Variants in POC1A observed in about 807,000 individuals in gnomAD.
POC1A encodes POC1 centriolar protein homolog A.
In POC1A, 34 loss-of-function variants were observed where a neutral mutation model predicts 47.8. The ratio of observed to expected loss-of-function variants is 0.71; its 90% CI spans 0.54 to 0.95. The LOEUF is 0.95. POC1A is among the 40% of genes least tolerant of loss of function. The probability of loss-of-function intolerance (pLI) is 0.00; values close to 1 mark genes in which losing one functional copy is unlikely to be tolerated. For synonymous variants in POC1A, 177 were observed against 207.6 expected (o/e 0.85, Z 1.27); for missense variants, 466 against 528.3 (o/e 0.88, Z 1.16).
rs77342803 is a variant in POC1A at position 52,127,126 on chromosome 3, A to T, written c.814-1945T>A. On this transcript the variant is annotated intron_variant, in intron 7 of 10. Coordinates refer to ENST00000296484, the MANE Select transcript of POC1A (RefSeq NM_015426.5). ...GCAGCCCTGGGAATCCTAAGCCACCATTAACCAGGATAATATAGATCCACT... is the reference window on the plus strand; with the variant it reads ...GCAGCCCTGGGAATCCTAAGCCACCTTTAACCAGGATAATATAGATCCACT... 5.1e-3 allele frequency among the ~76,000 whole-genome samples: 776 copies of T among 152,322 alleles called. 6 individuals are homozygous for T. Among genetic ancestry groups the T allele is most frequent in the African/African-American group, 0.018 (733 of 41,568 alleles).
intron 7 of POC1A, among the ~76,000 whole-genome samples, chr3:52,133,091 G>A (rs1483217990): frequency 3.9e-5 from 6 of 152,124 alleles, no homozygotes; most frequent in Non-Finnish European, 2.9e-5. Flanking sequence ...AGGTAACAGT[G>A]TTGGGAGGTG....
chr3:52,096,044 C>T (rs1343253471), intron 10 of POC1A, among the ~76,000 whole-genome samples: 1 of 152,252 alleles, frequency 6.6e-6, no homozygotes, highest in East Asian at 1.9e-4. Context: ...AGATTCATCT[C>T]CCTTAATTCT....
In POC1A at chr3:52,139,684, C is replaced by G. The variant is rs368618212; in HGVS notation, c.680-1382G>C. Among the ~76,000 whole-genome samples the G allele has an allele frequency of 1.8e-4, 27 of 152,282 alleles. 1 individual carries two copies. In the South Asian group the frequency reaches 5.2e-3, roughly 29 times the overall value. On this transcript the variant is annotated intron_variant, in intron 6 of 10. Coordinates refer to ENST00000296484, the MANE Select transcript of POC1A (RefSeq NM_015426.5). Reference sequence around the variant, plus strand: ...CTCACATCTGGATCTCCCATGAGACCATGAACTCCATCAGGCAGGGGTGGT... The same window carrying G: ...CTCACATCTGGATCTCCCATGAGACGATGAACTCCATCAGGCAGGGGTGGT...
rs540767093 is a variant in POC1A, at chr3:52,122,305, A to C, written c.981+74T>G. 1.5e-5 allele frequency: 13 copies of C among 848,164 alleles called. No individual in the cohort carries two copies. In the East Asian group the frequency reaches 2.7e-4, roughly 18 times the overall value. 52.5% of individuals were successfully genotyped at this position (848,164 alleles called of 1,614,324 possible). A position where few individuals can be genotyped will look rare whatever the true frequency, so the allele number is the denominator to read the frequency against. On this transcript the variant is annotated intron_variant, in intron 9 of 10. Transcript: ENST00000296484. ...CTAAACCTCCTCCCTCACCGTCTCC[A>C]AGCCCAGAGCTGTTCACCATGACCT...
Position 52,087,288 on chromosome 3 carries a change from C to G in POC1A, c.1125+9281G>C, listed in dbSNP as rs377255428. Among the ~76,000 whole-genome samples the G allele has an allele frequency of 1.8e-4, 27 of 152,266 alleles. 1 individual carries two copies. The South Asian group carries it at 5.2e-3, about 29-fold the overall frequency. On this transcript the variant is annotated intron_variant, in intron 10 of 10. Transcript: ENST00000296484. ...ACCTCAGAGGGGAAGGAATGGAGCT[C>G]CCCTCTCATGCTGATGTCTGACATG...
At chr3:52,150,625 C>A (rs372490270) in intron 2 of POC1A, among the ~76,000 whole-genome samples, 14 of 152,218 alleles carry the variant, frequency 9.2e-5, no homozygotes, top group Middle Eastern at 3.4e-3. Context: ...TTCTCACTGA[C>A]AAGGCTCTTC....
chr3:52,114,071 C>T (rs1641867232), intron 9 of POC1A, among the ~76,000 whole-genome samples: 1 of 152,156 alleles, frequency 6.6e-6, no homozygotes, highest in Admixed American at 6.5e-5. Flanking sequence ...GACACGCCAC[C>T]TCAGGCTGGG....
At chr3:52,128,738 T>C (rs1704105721) in intron 7 of POC1A, among the ~76,000 whole-genome samples, 1 of 152,202 alleles carries the variant, frequency 6.6e-6, no homozygotes, top group Admixed American at 6.5e-5. Context: ...AACACCATGA[T>C]CTAGACAGAA....
At chr3:52,088,874 C>A (rs921018105) in intron 10 of POC1A, among the ~76,000 whole-genome samples, 1 of 149,758 alleles carries the variant, frequency 6.7e-6, no homozygotes, top group Non-Finnish European at 1.5e-5. Flanking sequence ...CCAGCCCTCC[C>A]CCAGCCCTCC....
At chr3:52,148,788 A>T (rs1474249980) in intron 4 of POC1A, among the ~76,000 whole-genome samples, 5 of 152,238 alleles carry the variant, frequency 3.3e-5, no homozygotes, top group Non-Finnish European at 7.3e-5. Flanking sequence ...CTGGGACAAG[A>T]TACTACTGTT....
intron 1 of POC1A, 54 bp from the exon 2 acceptor site, chr3:52,151,154 C>T (rs1308682494): frequency 2.2e-5 from 35 of 1,610,200 alleles, no homozygotes; most frequent in Non-Finnish European, 2.8e-5. Context: ...AGGGGCTTCC[C>T]CAGGGCCAGC....
rs188147349 is a variant in POC1A at position 52,133,204 on chromosome 3, C to T, written c.813+4965G>A. Among the ~76,000 whole-genome samples the T allele has an allele frequency of 8.0e-3, 1,211 of 152,260 alleles. 7 individuals are homozygous for T. The highest frequency in any genetic ancestry group is 0.013 in the Non-Finnish European group (869 of 68,016). On this transcript the variant is annotated intron_variant, in intron 7 of 10. Transcript: ENST00000296484. ...CAAAGGGAGTTTGGTCCTTTCCGCC[C>T]TTCCACCTTCTGCATGTGAGGACAG...
intron 1 of POC1A, 180 bp from the exon 2 acceptor site, chr3:52,151,280 T>C: frequency 2.5e-6 from 2 of 789,334 alleles, no homozygotes; most frequent in Non-Finnish European, 3.7e-6. Context: ...TAGTTTTTAC[T>C]ATTTGAATTA....
At chr3:52,104,403 G>T (rs1171792364) in intron 9 of POC1A, among the ~76,000 whole-genome samples, 1 of 152,168 alleles carries the variant, frequency 6.6e-6, no homozygotes, top group African/African-American at 2.4e-5. Flanking sequence ...TGTGGTGGTG[G>T]TTACATGACT....
At chr3:52,136,675 G>T (rs138427899) in intron 7 of POC1A, among the ~76,000 whole-genome samples, 29 of 152,290 alleles carry the variant, frequency 1.9e-4, no homozygotes, top group African/African-American at 6.5e-4. Context: ...CCTTGGCCTG[G>T]TTCCCATATC....
At chr3:52,114,478 G>A (rs1703490255) in intron 9 of POC1A, among the ~76,000 whole-genome samples, 1 of 152,202 alleles carries the variant, frequency 6.6e-6, no homozygotes, top group Non-Finnish European at 1.5e-5. Flanking sequence ...GAGCATGCAT[G>A]TGCACACACA....
chr3:52,135,468 C>T (rs1704417617), intron 7 of POC1A, among the ~76,000 whole-genome samples: 1 of 152,216 alleles, frequency 6.6e-6, no homozygotes, highest in African/African-American at 2.4e-5. Context: ...ACTGCAGCCC[C>T]AGCTTCCCAG....
chr3:52,107,953 T>G (rs886617958), intron 9 of POC1A, among the ~76,000 whole-genome samples: 2 of 152,208 alleles, frequency 1.3e-5, no homozygotes, highest in African/African-American at 4.8e-5. Flanking sequence ...ACCGATGCAT[T>G]TATTATGTAT....
intron 10 of POC1A, among the ~76,000 whole-genome samples, chr3:52,094,049 T>C (rs1315738384): frequency 2.6e-5 from 4 of 152,158 alleles, no homozygotes; most frequent in Admixed American, 2.0e-4. Flanking sequence ...AGAAGGCAGC[T>C]TCCCTCTCAA....
Sources: gnomAD v4.1 joint callset for allele counts (sites outside exome capture counted in the v4.1 genomes callset) on GRCh38, gnomAD v4.1.1 for gene constraint, MANE v1.5 for transcripts, NCBI Gene and HGNC (gene_info 2026-07-23, HGNC 2026-07-21) for gene names.